Variants in SKIDA1 observed in about 807,000 individuals in gnomAD.
The protein encoded by SKIDA1 is SKI/DACH domain-containing protein 1.
SKIDA1 carries 18 observed loss-of-function variants against 51.4 expected under a neutral mutation model. That is an observed-to-expected ratio of 0.35 (90% confidence interval 0.24 to 0.52). The LOEUF (loss-of-function observed/expected upper bound fraction) is 0.52, where lower values mean the gene tolerates loss of function less well. SKIDA1 is among the 20% of genes least tolerant of loss of function. SKIDA1 has a pLI of 0.95. For synonymous variants in SKIDA1, 579 were observed against 500.5 expected (o/e 1.16, Z -2.09); for missense variants, 1,104 against 1,180.6 (o/e 0.94, Z 0.95).
intron 1 of SKIDA1, among the ~76,000 whole-genome samples, chr10:21,524,120 A>G (rs1464007374): frequency 6.6e-6 from 1 of 152,206 alleles, no homozygotes; most frequent in Non-Finnish European, 1.5e-5. Flanking sequence ...TGAAAAGCTT[A>G]CTTTTCACTT....
Position 21,517,242 on chromosome 10 carries a change from T to G in SKIDA1, c.581A>C (p.Asn194Thr). Reference protein sequence around the residue: ...IVRSPCKPPLNYETAPLQGNY... With the variant: ...IVRSPCKPPLTYETAPLQGNY... Reference sequence around the variant, plus strand: ...TCCCTGGAGCGGGGCAGTTTCATAGTTTAGAGGGGGTTTGCACGGCGAGCG... The same window carrying G: ...TCCCTGGAGCGGGGCAGTTTCATAGGTTAGAGGGGGTTTGCACGGCGAGCG... The change falls in exon 4 of 4, where the codon AAC (asparagine) becomes ACC (threonine). Residue 194 changes from asparagine to threonine, a missense_variant. By Grantham distance (65) the Asn-to-Thr change is moderately conservative. Around this residue, in one of 3 missense-constraint regions of SKIDA1, gnomAD observed 938 missense variants for 886.4 expected, o/e 1.06. Transcript: ENST00000449193. The surrounding 1 kb of genome is among the most constrained non-coding windows in gnomAD (Gnocchi z 6.9). 6.8e-7 allele frequency: 1 copy of G among 1,470,172 alleles called. No homozygotes were observed. Among genetic ancestry groups the G allele is most frequent in the Non-Finnish European group, 9.0e-7 (1 of 1,107,820 alleles). The allele number at this position is 1,470,172 out of a possible 1,614,324, so 91.1% of individuals were successfully genotyped here. A position where few individuals can be genotyped will look rare whatever the true frequency, so the allele number is the denominator to read the frequency against.
At position 21,515,808 on chromosome 10, in the gene SKIDA1, G is replaced by A; in HGVS notation, c.2015C>T (p.Thr672Ile). ...TGGCAATGTCTTGTCGCCTGTGTCA[G>A]TGCAGGGATTCTCGGCTTTAGTTGC... ...AAATKAENPC[T>I]DTGDKTLPFL... The change falls in exon 4 of 4, where the codon ACT becomes ATT. Residue 672 changes from threonine (T) to isoleucine (I), a missense_variant. Around this residue, in one of 3 missense-constraint regions of SKIDA1, gnomAD observed 938 missense variants for 886.4 expected, o/e 1.06. Transcript: ENST00000449193. The A allele has an allele frequency of 6.2e-7, 1 of 1,613,998 alleles. No individual in the cohort carries two copies. Among genetic ancestry groups the A allele is most frequent in the Non-Finnish European group, 8.5e-7 (1 of 1,179,880 alleles).
In SKIDA1 at chr10:21,516,896, C is replaced by CGAAAATAAGCAGGGTCCGAGG; in HGVS notation, c.926_927insCCTCGGACCCTGCTTATTTTC (p.Ala309_Ala310insLeuGlyProCysLeuPheSer). ...CGGCGGCCGCCGCCGCCGCTGCCGC[C>CGAAAATAAGCAGGGTCCGAGG]GCCGCCGCCGCCGCCGCCGCCTTGG... On this transcript the variant is annotated inframe_insertion, in exon 4 of 4. Transcript: ENST00000449193. The surrounding 1 kb of genome is among the most constrained non-coding windows in gnomAD (Gnocchi z 5.7). 1 of 1,140,366 alleles carries CGAAAATAAGCAGGGTCCGAGG rather than the reference C, an allele frequency of 8.8e-7. No individual in the cohort carries two copies. The highest frequency in any genetic ancestry group is 1.1e-6 in the Non-Finnish European group (1 of 932,968). 70.6% of individuals were successfully genotyped at this position (1,140,366 alleles called of 1,614,324 possible). A position where few individuals can be genotyped will look rare whatever the true frequency, so the allele number is the denominator to read the frequency against.
At position 21,525,555 on chromosome 10, in the gene SKIDA1, TTACAGTGACACA is replaced by T. The variant is rs1302497505; in HGVS notation, c.-2138_-2127del. The T allele has an allele frequency of 6.6e-6, 1 of 152,226 alleles. No individual in the cohort carries two copies. The highest frequency in any genetic ancestry group is 1.9e-4 in the East Asian group (1 of 5,176). 9.4% of individuals were successfully genotyped at this position (152,226 alleles called of 1,614,324 possible). ...CAAAATCCGTATATTACCTGCCCTG[TTACAGTGACACA>T]TGTTTATGTTTATAGTCCTGGTTTG... On this transcript the variant is annotated 5_prime_UTR_variant, in exon 1 of 4. An upstream start codon of the reference 5' UTR is lost. Coordinates refer to ENST00000449193, the MANE Select transcript of SKIDA1 (RefSeq NM_207371.4).
In SKIDA1 at chr10:21,518,008, GGA is replaced by G. The variant is rs1491315141; in HGVS notation, c.-188_-187del. The G allele has an allele frequency of 4.8e-5, 27 of 562,768 alleles. No homozygotes were observed. Among genetic ancestry groups the G allele is most frequent in the Non-Finnish European group, 6.8e-5 (22 of 324,758 alleles). 34.9% of individuals were successfully genotyped at this position (562,768 alleles called of 1,614,324 possible). A position where few individuals can be genotyped will look rare whatever the true frequency, so the allele number is the denominator to read the frequency against. ...CTCTAGGCGAAATTATTGGGGGGGG[GGA>G]AACCCCATGAAATTACACTGACTTG... On this transcript the variant is annotated 5_prime_UTR_variant, in exon 4 of 4. An upstream open reading frame in the 5' UTR loses its in-frame stop. Transcript: ENST00000449193.
At chr10:21,523,931 T>C (rs1342827266) in intron 1 of SKIDA1, 60 bp from the exon 2 acceptor site, 1 of 149,792 alleles carries the variant, frequency 6.7e-6, no homozygotes, top group Admixed American at 6.7e-5. Flanking sequence ...AATTTATGGA[T>C]ACACAAGTAT....
chr10:21,514,632 CTCACT>C lies in SKIDA1; in HGVS notation c.*459_*463del, dbSNP rs1302857808. 1.3e-5 allele frequency: 2 copies of C among 153,264 alleles called. No individual in the cohort carries two copies. Among genetic ancestry groups the C allele is most frequent in the African/African-American group, 2.4e-5 (1 of 41,432 alleles). 9.5% of individuals were successfully genotyped at this position (153,264 alleles called of 1,614,324 possible). A position where few individuals can be genotyped will look rare whatever the true frequency, so the allele number is the denominator to read the frequency against. ...GAAACTTCTTGCTACCTCACCTCAC[CTCACT>C]GTGTAACCATGTAACCTAACAAACT... On this transcript the variant is annotated 3_prime_UTR_variant, in exon 4 of 4. Coordinates refer to ENST00000449193, the MANE Select transcript of SKIDA1 (RefSeq NM_207371.4).
intron 3 of SKIDA1, among the ~76,000 whole-genome samples, chr10:21,520,028 TAATC>T (rs1390055037): frequency 1.3e-5 from 2 of 152,376 alleles, no homozygotes; most frequent in South Asian, 2.1e-4. Context: ...CTCTTCAACT[TAATC>T]AATGTATGTA....
chr10:21,517,031 C>T lies in SKIDA1; in HGVS notation c.792G>A (p.Pro264=). 9.6e-7 allele frequency: 1 copy of T among 1,036,794 alleles called. No homozygotes were observed. Among genetic ancestry groups the T allele is most frequent in the Non-Finnish European group, 1.2e-6 (1 of 867,848 alleles). 64.2% of individuals were successfully genotyped at this position (1,036,794 alleles called of 1,614,324 possible). A position where few individuals can be genotyped will look rare whatever the true frequency, so the allele number is the denominator to read the frequency against. ...GCTTGCAGCGGTAGCTCAGGCTCCC[C>T]GGGCCTCCGGCGCCCGCCGCTGCCT... ...QPKAAAGAGG[P]GSLSYRCKRK... Residue 264 remains proline, a synonymous_variant, in exon 4 of 4, where the codon CCG becomes CCA. Coordinates refer to ENST00000449193, the MANE Select transcript of SKIDA1 (RefSeq NM_207371.4). The surrounding 1 kb of genome is among the most constrained non-coding windows in gnomAD (Gnocchi z 6.9).
intron 1 of SKIDA1, among the ~76,000 whole-genome samples, chr10:21,524,360 T>C (rs2032557274): frequency 6.6e-6 from 1 of 152,192 alleles, no homozygotes; most frequent in South Asian, 2.1e-4. Flanking sequence ...TTGCTAAGTA[T>C]AAACTTAAAA....
Position 21,515,983 on chromosome 10 carries a change from T to G in SKIDA1, c.1840A>C (p.Asn614His). The G allele has an allele frequency of 6.2e-7, 1 of 1,614,004 alleles. No individual in the cohort carries two copies. The highest frequency in any genetic ancestry group is 8.5e-7 in the Non-Finnish European group (1 of 1,179,872). The change falls in exon 4 of 4, where the codon AAC becomes CAC. Residue 614 changes from asparagine to histidine, a missense_variant. Asn to His is a moderately conservative substitution (Grantham distance 68). Coordinates refer to ENST00000449193, the MANE Select transcript of SKIDA1 (RefSeq NM_207371.4). Reference sequence around the variant, plus strand: ...TTTAAGAACCTAGCAGCTATTGTGTTGTTATCTGCACAGTGTGTAGTAGGA... The same window carrying G: ...TTTAAGAACCTAGCAGCTATTGTGTGGTTATCTGCACAGTGTGTAGTAGGA... ...TTPTTHCADN[N>H]TIAARFLNND...
rs1023307211 is a variant in SKIDA1 at position 21,515,445 on chromosome 10, T to C, written c.2378A>G (p.Gln793Arg). 2 of 1,613,940 alleles carry C rather than the reference T, an allele frequency of 1.2e-6. No homozygotes were observed. The highest frequency in any genetic ancestry group is 2.7e-5 in the African/African-American group (2 of 74,930). ...CAAATTTGGTTTGACTGGAGGTGTC[T>C]GAAGGACAGGTCGCTTTCCCAGTAC... ...TLVLGKRPVL[Q>R]TPPVKPNLKS... Residue 793 changes from glutamine (Q) to arginine (R), a missense_variant, in exon 4 of 4, where the codon CAG becomes CGG. Gln to Arg is a conservative substitution (Grantham distance 43). Coordinates refer to ENST00000449193, the MANE Select transcript of SKIDA1 (RefSeq NM_207371.4).
In SKIDA1 at chr10:21,516,914, C is replaced by G; in HGVS notation, c.909G>C (p.Ala303=). The change falls in exon 4 of 4, where the codon GCG becomes GCC. Residue 303 remains alanine (A), a synonymous_variant. Transcript: ENST00000449193. The surrounding 1 kb of genome is among the most constrained non-coding windows in gnomAD (Gnocchi z 5.7). ...CTGCCGCCGCCGCCGCCGCCGCCGCCGCCTTGGCTTTGTAGGACCTGGGCA... is the reference window on the plus strand; with the variant it reads ...CTGCCGCCGCCGCCGCCGCCGCCGCGGCCTTGGCTTTGTAGGACCTGGGCA... ...LLLPRSYKAK[A]AAAAAAAAAA... 1.7e-6 allele frequency: 2 copies of G among 1,145,802 alleles called. No homozygotes were observed. Among genetic ancestry groups the G allele is most frequent in the Non-Finnish European group, 1.1e-6 (1 of 936,390 alleles). 71.0% of individuals were successfully genotyped at this position (1,145,802 alleles called of 1,614,324 possible).
In SKIDA1 at chr10:21,516,874, C is replaced by T; in HGVS notation, c.949G>A (p.Ala317Thr). 1.5e-6 allele frequency: 2 copies of T among 1,293,666 alleles called. No individual in the cohort carries two copies. The highest frequency in any genetic ancestry group is 1.9e-6 in the Non-Finnish European group (2 of 1,026,530). 80.1% of individuals were successfully genotyped at this position (1,293,666 alleles called of 1,614,324 possible). The part of the protein sequence containing the change: ...AAAAAAAAAA[A>T]AGATCLERFH... The stretch of plus-strand genomic sequence containing the variant: ...CTCTCCAGGCAAGTGGCCCCCGCGG[C>T]GGCCGCCGCCGCCGCTGCCGCCGCC... Residue 317 changes from alanine (A) to threonine (T), a missense_variant, in exon 4 of 4, where the codon GCC (alanine) becomes ACC (threonine). This residue lies in a region of SKIDA1 where 938 missense variants were observed against 886.4 expected (regional missense o/e 1.06). Coordinates refer to ENST00000449193, the MANE Select transcript of SKIDA1 (RefSeq NM_207371.4). This position sits in a 1 kb window ranked among gnomAD's most constrained non-coding sequence, Gnocchi z 5.7.
rs2032302599 is a variant in SKIDA1, at chr10:21,518,360, A to AT, written c.-539dup. On this transcript the variant is annotated 5_prime_UTR_variant, in exon 4 of 4. It removes the in-frame stop codon of an upstream open reading frame in the 5' UTR. Transcript: ENST00000449193. ...ACTCCTGACAGGTGATGCAATAAAA[A>AT]TTGATATTCCACCCCTTCCCCCCAA... is the stretch of plus-strand genomic sequence containing the variant. 1 of 167,252 alleles carries AT rather than the reference A, an allele frequency of 6.0e-6. No homozygotes were observed. The highest frequency in any genetic ancestry group is 2.4e-5 in the African/African-American group (1 of 41,454). The allele number at this position is 167,252 out of a possible 1,614,324, so 10.4% of individuals were successfully genotyped here.
chr10:21,517,979 C>T lies in SKIDA1; in HGVS notation c.-157G>A, dbSNP rs2032292866. 1.6e-6 allele frequency: 1 copy of T among 643,900 alleles called. No homozygotes were observed. The highest frequency in any genetic ancestry group is 1.9e-5 in the African/African-American group (1 of 53,264). The allele number at this position is 643,900 out of a possible 1,614,324, so 39.9% of individuals were successfully genotyped here. A position where few individuals can be genotyped will look rare whatever the true frequency, so the allele number is the denominator to read the frequency against. ...CTGTTATTCCCGGCGAAGGAAGTGCCAAACTCTAGGCGAAATTATTGGGGG... is the reference window on the plus strand; with the variant it reads ...CTGTTATTCCCGGCGAAGGAAGTGCTAAACTCTAGGCGAAATTATTGGGGG... On this transcript the variant is annotated 5_prime_UTR_variant, in exon 4 of 4. Transcript: ENST00000449193. This position sits in a 1 kb window ranked among gnomAD's most constrained non-coding sequence, Gnocchi z 6.9.
Position 21,516,563 on chromosome 10 carries a change from C to A in SKIDA1, c.1260G>T (p.Glu420Asp), listed in dbSNP as rs1031743764. 11 of 1,549,184 alleles carry A rather than the reference C, an allele frequency of 7.1e-6. No individual in the cohort carries two copies. In the African/African-American group the frequency reaches 1.1e-4, roughly 15 times the overall value. ...SSEEEEEEGE[E>D]EEEEEEEEGG... The stretch of plus-strand genomic sequence containing the variant: ...CCTCCTCCTCCTCTTCCTCCTCCTC[C>A]TCCTCTCCCTCCTCCTCCTCTTCCT... The change falls in exon 4 of 4, where the codon GAG (glutamate) becomes GAT (aspartate). Residue 420 changes from glutamate to aspartate, a missense_variant. Glu to Asp is a conservative substitution (Grantham distance 45). Transcript: ENST00000449193. This position sits in a 1 kb window ranked among gnomAD's most constrained non-coding sequence, Gnocchi z 5.7.
intron 3 of SKIDA1, among the ~76,000 whole-genome samples, 181 bp downstream of exon 3, chr10:21,521,208 C>T (rs368599759): frequency 1.3e-5 from 2 of 152,144 alleles, no homozygotes; most frequent in African/African-American, 2.4e-5. Flanking sequence ...CCCCTGAGCG[C>T]TCACACATGA....
chr10:21,524,353 C>T (rs1408047875), intron 1 of SKIDA1, among the ~76,000 whole-genome samples: 1 of 152,182 alleles, frequency 6.6e-6, no homozygotes, highest in East Asian at 1.9e-4. Flanking sequence ...CAGCGCATTG[C>T]TAAGTATAAA....
Sources: gnomAD v4.1 joint callset for allele counts (sites outside exome capture counted in the v4.1 genomes callset) on GRCh38, gnomAD v4.1.1 for gene constraint, gnomAD v4.1.1 regional missense constraint, Gnocchi (gnomAD v3.1) non-coding constraint, MANE v1.5 for transcripts, NCBI Gene and HGNC (gene_info 2026-07-23, HGNC 2026-07-21) for gene names.